CCDC32: variants seen among roughly 807,000 people sequenced by gnomAD.
CCDC32 encodes coiled-coil domain-containing protein 32.
CCDC32 carries 9 observed loss-of-function variants against 20.1 expected under a neutral mutation model. The ratio of observed to expected loss-of-function variants is 0.45; its 90% confidence interval spans 0.27 to 0.78. The LOEUF is 0.78. CCDC32 is among the 30% of genes least tolerant of loss of function. The pLI is 0.16. For synonymous variants in CCDC32, 63 were observed against 79.0 expected (o/e 0.80, Z 1.07); for missense variants, 204 against 215.5 (o/e 0.95, Z 0.33).
intron 3 of CCDC32, among the ~76,000 whole-genome samples, chr15:40,541,302 G>A (rs1035936712): frequency 7.2e-5 from 11 of 151,730 alleles, no homozygotes; most frequent in Non-Finnish European, 1.2e-4. Context: ...GATGTGCCCC[G>A]TCAGTCAGTG....
At chr15:40,558,057 A>C (rs1461328268) in intron 2 of CCDC32, 1 of 152,228 alleles carries the variant, frequency 6.6e-6, no homozygotes, top group East Asian at 1.9e-4. Context: ...GATAGAGGTT[A>C]AATTACTCTT....
rs1889976662 is a variant in CCDC32, at chr15:40,553,099, T to G, written c.*872A>C. 1.0e-6 allele frequency: 1 copy of G among 984,758 alleles called. No individual in the cohort carries two copies. The highest frequency in any genetic ancestry group is 1.7e-5 in the African/African-American group (1 of 57,224). The allele number at this position is 984,758 out of a possible 1,614,324, so 61.0% of individuals were successfully genotyped here. On this transcript the variant is annotated 3_prime_UTR_variant, in exon 4 of 4. Transcript: ENST00000416810. Reference sequence around the variant, plus strand: ...GTCAACAGCACCACAGACACTGCTATTCCGTTGAGAAAAGTTTTATATGGA... The same window carrying G: ...GTCAACAGCACCACAGACACTGCTAGTCCGTTGAGAAAAGTTTTATATGGA...
At chr15:40,523,431 G>A in the CCDC32 span, among the ~76,000 whole-genome samples, 3 of 151,068 alleles carry the variant, frequency 2.0e-5, no homozygotes, top group Admixed American at 6.6e-5. Flanking sequence ...CTGAACCTGG[G>A]AGGCGGAGGT....
At position 40,553,897 on chromosome 15, in the gene CCDC32, C is replaced by A; in HGVS notation, c.*74G>T. ...GCTGCTCGCTCTGGACCCGAGACAG[C>A]TGCTCGGCGTGTGTGTGTGTGTGTG... On this transcript the variant is annotated 3_prime_UTR_variant, in exon 4 of 4. Coordinates refer to ENST00000416810, the MANE Select transcript of CCDC32 (RefSeq NM_001080792.4). 1 of 1,502,138 alleles carries A rather than the reference C, an allele frequency of 6.7e-7. No homozygotes were observed. Among genetic ancestry groups the A allele is most frequent in the South Asian group, 1.3e-5 (1 of 76,338 alleles). 93.1% of individuals were successfully genotyped at this position (1,502,138 alleles called of 1,614,324 possible).
At chr15:40,564,704 C>T in intron 1 of CCDC32, 2 of 1,610,794 alleles carry the variant, frequency 1.2e-6, no homozygotes, top group South Asian at 2.2e-5. Flanking sequence ...TGATGTCTAG[C>T]GCTACAGTGA....
downstream of CCDC32, chr15:40,531,850 C>T (rs1888889241): frequency 6.5e-6 from 1 of 152,794 alleles, no homozygotes; most frequent in Admixed American, 6.5e-5. Flanking sequence ...GATCCACCCA[C>T]CTCGGCTTCC....
rs1162285490 is a variant in CCDC32 at position 40,553,558 on chromosome 15, G to A, written c.*413C>T. ...GCTTGGGACACAAGCATGAATGTCC[G>A]GAAGAGGCAAGAAAATATATGGCTC... On this transcript the variant is annotated 3_prime_UTR_variant, in exon 4 of 4. Transcript: ENST00000416810. The A allele has an allele frequency of 4.0e-6, 4 of 991,878 alleles. No individual in the cohort carries two copies. Among genetic ancestry groups the A allele is most frequent in the South Asian group, 4.6e-5 (1 of 21,590 alleles). 61.4% of individuals were successfully genotyped at this position (991,878 alleles called of 1,614,324 possible).
intron 2 of CCDC32, 69 bp from the exon 3 acceptor site, chr15:40,557,441 C>T: frequency 6.7e-7 from 1 of 1,490,554 alleles, no homozygotes; most frequent in African/African-American, 1.4e-5. Flanking sequence ...ATCTAAAACT[C>T]AAAATACTAA....
At chr15:40,526,202 T>A (rs919570726), downstream of CCDC32, among the ~76,000 whole-genome samples, 1 of 151,996 alleles carries the variant, frequency 6.6e-6, no homozygotes, top group South Asian at 2.1e-4. Context: ...TTCCAGAACA[T>A]TTTTTTTCAT....
intron 3 of CCDC32, chr15:40,539,419 C>T: frequency 7.3e-7 from 1 of 1,376,076 alleles, no homozygotes; most frequent in East Asian, 2.5e-5. Flanking sequence ...GAGGCACACA[C>T]TAACAGAGTC....
downstream of CCDC32, among the ~76,000 whole-genome samples, chr15:40,525,913 T>G (rs1202283630): frequency 6.6e-6 from 1 of 152,032 alleles, no homozygotes; most frequent in Non-Finnish European, 1.5e-5. Flanking sequence ...AATAAAATAG[T>G]GTCAATAATT....
At chr15:40,555,044 G>A (rs1176341595) in intron 3 of CCDC32, among the ~76,000 whole-genome samples, 4 of 152,192 alleles carry the variant, frequency 2.6e-5, no homozygotes, top group African/African-American at 7.2e-5. Flanking sequence ...CCTCACATAC[G>A]TGAAGACCTA....
At chr15:40,528,664 G>A, downstream of CCDC32, 1 of 666,748 alleles carries the variant, frequency 1.5e-6, no homozygotes, top group Non-Finnish European at 2.7e-6. Flanking sequence ...TTACCCTGGT[G>A]ATGACGGAGG....
At chr15:40,543,066 C>T (rs933261221) in intron 3 of CCDC32, among the ~76,000 whole-genome samples, 12 of 150,600 alleles carry the variant, frequency 8.0e-5, no homozygotes, top group African/African-American at 2.0e-4. Context: ...AGCTTGAGCC[C>T]GGGAGGTTGA....
At chr15:40,559,876 C>G (rs969185325) in intron 2 of CCDC32, among the ~76,000 whole-genome samples, 1 of 152,170 alleles carries the variant, frequency 6.6e-6, no homozygotes, top group Admixed American at 6.5e-5. Flanking sequence ...GGAAAACTGG[C>G]TAGCCACCTG....
downstream of CCDC32, chr15:40,539,182 G>T: frequency 6.9e-7 from 1 of 1,443,404 alleles, no homozygotes; most frequent in South Asian, 1.2e-5. Flanking sequence ...TGACACCACA[G>T]AAAGGTCAAT....
downstream of CCDC32, among the ~76,000 whole-genome samples, chr15:40,528,045 A>G (rs1459187941): frequency 6.6e-6 from 1 of 152,234 alleles, no homozygotes; most frequent in Non-Finnish European, 1.5e-5. Flanking sequence ...AAAAATGGGC[A>G]ATAATCTTTT....
chr15:40,526,870 C>A (rs1381659598), downstream of CCDC32, among the ~76,000 whole-genome samples: 1 of 152,040 alleles, frequency 6.6e-6, no homozygotes, highest in Non-Finnish European at 1.5e-5. Context: ...CGTCACTGCA[C>A]TCCAGCCTGG....
chr15:40,543,016 G>A (rs1330862878), intron 3 of CCDC32, among the ~76,000 whole-genome samples: 2 of 150,740 alleles, frequency 1.3e-5, no homozygotes, highest in East Asian at 2.0e-4. Flanking sequence ...TTAGCCAGGG[G>A]TATAGTCACA....
Sources: gnomAD v4.1 joint callset for allele counts (sites outside exome capture counted in the v4.1 genomes callset) on GRCh38, gnomAD v4.1.1 for gene constraint, MANE v1.5 for transcripts, NCBI Gene and HGNC (gene_info 2026-07-23, HGNC 2026-07-21) for gene names.